SRGAP3: variants seen among roughly 807,000 people sequenced by gnomAD.
The protein encoded by SRGAP3 is SLIT-ROBO Rho GTPase activating protein 3.
In SRGAP3, 39 loss-of-function variants were observed where a neutral mutation model predicts 121.1. That is an observed-to-expected ratio of 0.32 (90% CI 0.25 to 0.42). The LOEUF (loss-of-function observed/expected upper bound fraction) is 0.42, where lower values mean the gene tolerates loss of function less well. Ranked by LOEUF, SRGAP3 falls within the 10% of genes least tolerant of loss-of-function variation. The pLI, the probability that SRGAP3 is intolerant of heterozygous loss-of-function variation, is 1.00. For synonymous variants in SRGAP3, 601 were observed against 570.0 expected (o/e 1.05, Z -0.77); for missense variants, 1,213 against 1,470.6 (o/e 0.82, Z 2.86).
intron 1 of SRGAP3, among the ~76,000 whole-genome samples, chr3:9,199,263 C>G (rs1952000962): frequency 6.6e-6 from 1 of 152,240 alleles, no homozygotes; most frequent in Admixed American, 6.5e-5. Flanking sequence ...CCTCTCTGCT[C>G]CAGCTGAAAG....
intron 2 of SRGAP3, among the ~76,000 whole-genome samples, chr3:9,123,972 A>T (rs1156758062): frequency 6.6e-6 from 1 of 151,782 alleles, no homozygotes; most frequent in Non-Finnish European, 1.5e-5. Context: ...TGGCCGGGGG[A>T]CCTGCCAAGT....
intron 11 of SRGAP3, chr3:9,034,045 G>C (rs942047685): frequency 5.9e-5 from 9 of 152,142 alleles, no homozygotes; most frequent in African/African-American, 2.2e-4. Flanking sequence ...TCCACTCTTG[G>C]CCACAGGGAG....
intron 1 of SRGAP3, among the ~76,000 whole-genome samples, chr3:9,344,645 C>CAAA (rs59737890): frequency 1.3e-5 from 2 of 151,054 alleles, no homozygotes; most frequent in East Asian, 3.9e-4. Flanking sequence ...AAACAAAAAA[C>CAAA]AAAAAAAAAG....
intron 17 of SRGAP3, among the ~76,000 whole-genome samples, chr3:9,012,135 A>G (rs1028800505): frequency 6.6e-6 from 1 of 152,152 alleles, no homozygotes; most frequent in Non-Finnish European, 1.5e-5. Flanking sequence ...CACCACTATG[A>G]CCCAGTATTT....
chr3:8,988,234 T>C (rs2247386), intron 21 of SRGAP3, among the ~76,000 whole-genome samples: 1 of 152,132 alleles, frequency 6.6e-6, no homozygotes, highest in Non-Finnish European at 1.5e-5. Context: ...GATGGTCATG[T>C]TGCAAGTTCC....
At chr3:9,044,550 C>T (rs1945166702) in intron 10 of SRGAP3, among the ~76,000 whole-genome samples, 1 of 152,140 alleles carries the variant, frequency 6.6e-6, no homozygotes, top group Non-Finnish European at 1.5e-5. Context: ...TTTCAGGCCA[C>T]AGATAACCAC....
intron 1 of SRGAP3, among the ~76,000 whole-genome samples, chr3:9,165,260 G>A (rs1412482908): frequency 6.6e-6 from 1 of 152,204 alleles, no homozygotes; most frequent in Non-Finnish European, 1.5e-5. Flanking sequence ...GGAGCGAGAT[G>A]CCCACCATGT....
In SRGAP3 at chr3:9,173,031, G is replaced by A. The variant is rs376353373; in HGVS notation, c.68-48114C>T. Reference sequence around the variant, plus strand: ...CAGGAGAGGTGGTGGGGCATGGCTCGTGGCCACAAGCCCCTAAGCACTGTG... The same window carrying A: ...CAGGAGAGGTGGTGGGGCATGGCTCATGGCCACAAGCCCCTAAGCACTGTG... On this transcript the variant is annotated intron_variant, in intron 1 of 21. Coordinates refer to ENST00000383836, the MANE Select transcript of SRGAP3 (RefSeq NM_014850.4). Among the ~76,000 whole-genome samples, 1,021 of 152,272 alleles carry A rather than the reference G, an allele frequency of 6.7e-3. 26 individuals are homozygous for A. Among genetic ancestry groups the A allele is most frequent in the African/African-American group, 0.023 (966 of 41,556 alleles).
Position 9,217,186 on chromosome 3 carries a change from T to TA in SRGAP3, c.67+31698dup, listed in dbSNP as rs199839141. Among the ~76,000 whole-genome samples, 361 of 151,682 alleles carry TA rather than the reference T, an allele frequency of 2.4e-3. 2 individuals are homozygous for TA. The highest frequency in any genetic ancestry group is 0.02 in the East Asian group (104 of 5,170). ...TTATGTGATGTGCTTTTCGACACAA[T>TA]AAAAAAAAATTGACAAGGCTGGCAC... On this transcript the variant is annotated intron_variant, in intron 1 of 21. Transcript: ENST00000383836.
chr3:9,336,946 G>C (rs1955703143), intron 1 of SRGAP3, among the ~76,000 whole-genome samples: 1 of 151,892 alleles, frequency 6.6e-6, no homozygotes, highest in Admixed American at 6.6e-5. Flanking sequence ...TGCCTAGGCT[G>C]GTCTCGAACT....
At chr3:9,060,163 T>C (rs1466921513) in intron 6 of SRGAP3, 68 bp downstream of exon 6, 1 of 1,611,248 alleles carries the variant, frequency 6.2e-7, no homozygotes, top group Admixed American at 1.7e-5. Flanking sequence ...CAGCCCCTCC[T>C]TCAGCCAGTG....
intron 2 of SRGAP3, 111 bp from the exon 3 acceptor site, chr3:9,104,953 C>A (rs1948365151): frequency 6.7e-6 from 9 of 1,340,652 alleles, no homozygotes; most frequent in Non-Finnish European, 9.5e-6. Flanking sequence ...CCTTCAAGGT[C>A]AGTCTTGTTG....
At chr3:9,005,718 C>T (rs1943029895) in intron 18 of SRGAP3, among the ~76,000 whole-genome samples, 1 of 152,074 alleles carries the variant, frequency 6.6e-6, no homozygotes, top group African/African-American at 2.4e-5. Flanking sequence ...TCCATAGAGA[C>T]AGTGGGTAGA....
rs566857250 is a variant in SRGAP3 at position 9,041,962 on chromosome 3, G to A, written c.1409-3872C>T. Among the ~76,000 whole-genome samples the A allele has an allele frequency of 3.9e-5, 6 of 152,138 alleles. No homozygotes were observed. The South Asian group carries it at 1.2e-3, about 32-fold the overall frequency. ...CTAAAAACAGAAAAATCAGCTGGGC[G>A]TGGTGGCGGACACCTGTAATCCCGG... On this transcript the variant is annotated intron_variant, in intron 10 of 21. Coordinates refer to ENST00000383836, the MANE Select transcript of SRGAP3 (RefSeq NM_014850.4).
chr3:9,061,415 TCTCAAGGCCCTCAAA>T (rs943130153), intron 5 of SRGAP3, among the ~76,000 whole-genome samples: 14 of 152,192 alleles, frequency 9.2e-5, no homozygotes, highest in African/African-American at 3.4e-4. Context: ...TTCATTCCTG[TCTCAAGGCCCTCAAA>T]CTCATGGTTC....
At chr3:9,053,678 G>C (rs1027673072) in intron 8 of SRGAP3, among the ~76,000 whole-genome samples, 1 of 152,224 alleles carries the variant, frequency 6.6e-6, no homozygotes, top group East Asian at 1.9e-4. Flanking sequence ...CATTCTTCGT[G>C]CAACAAACTC....
At chr3:9,041,622 C>G (rs759760465) in intron 10 of SRGAP3, among the ~76,000 whole-genome samples, 1 of 152,230 alleles carries the variant, frequency 6.6e-6, no homozygotes, top group Non-Finnish European at 1.5e-5. Context: ...TTTGCAGATG[C>G]TGACATCCCT....
intron 13 of SRGAP3, among the ~76,000 whole-genome samples, chr3:9,025,653 C>A (rs923776434): frequency 6.6e-6 from 1 of 152,178 alleles, no homozygotes; most frequent in African/African-American, 2.4e-5. Context: ...AAGAGCTAGA[C>A]TCCAGAGTAT....
intron 2 of SRGAP3, among the ~76,000 whole-genome samples, chr3:9,121,533 C>T (rs1264568826): frequency 6.6e-6 from 1 of 152,194 alleles, no homozygotes; most frequent in Non-Finnish European, 1.5e-5. Flanking sequence ...CAGAGGGCCC[C>T]CTCCAGCTGC....
Sources: allele counts gnomAD v4.1 joint callset (sites outside exome capture counted in the v4.1 genomes callset), GRCh38; gene constraint gnomAD v4.1.1; transcripts MANE v1.5; gene names NCBI Gene and HGNC (gene_info 2026-07-23, HGNC 2026-07-21).